Variants in GPM6B observed in about 807,000 individuals in gnomAD.
GPM6B encodes glycoprotein M6B.
Under a neutral mutation model 27.2 loss-of-function variants are expected in GPM6B, and 4 were observed. The observed-to-expected ratio is 0.15, with a 90% CI of 0.07 to 0.34. The LOEUF (loss-of-function observed/expected upper bound fraction) is 0.34. GPM6B is among the 10% of genes least tolerant of loss of function. GPM6B has a pLI of 1.00. For synonymous variants in GPM6B, 124 were observed against 103.1 expected (o/e 1.20, Z -1.23); for missense variants, 183 against 261.9 (o/e 0.70, Z 2.08).
intron 1 of GPM6B, among the ~76,000 whole-genome samples, chrX:13,936,240 C>A (rs1921830781): frequency 8.9e-6 from 1 of 111,829 alleles, no homozygotes; most frequent in Non-Finnish European, 1.9e-5. Context: ...AATGAAAAAC[C>A]CATGTTTTCT....
intron 1 of GPM6B, among the ~76,000 whole-genome samples, chrX:13,863,755 T>C (rs1308054833): frequency 7.1e-5 from 8 of 112,306 alleles, no homozygotes; most frequent in African/African-American, 1.3e-4. Context: ...GTGATAATTA[T>C]AGCAGTTTTC....
At chrX:13,795,866 C>T (rs1424689876) in intron 2 of GPM6B, among the ~76,000 whole-genome samples, 1 of 109,156 alleles carries the variant, frequency 9.2e-6, no homozygotes, top group Non-Finnish European at 1.9e-5. Context: ...GATTCTCCTG[C>T]CTCAGCCTCC....
At chrX:13,813,201 C>T (rs1374755927) in intron 1 of GPM6B, among the ~76,000 whole-genome samples, 2 of 109,789 alleles carry the variant, frequency 1.8e-5, no homozygotes, top group Non-Finnish European at 3.8e-5. Flanking sequence ...TCACACAAGT[C>T]GTATATTCTA....
intron 1 of GPM6B, among the ~76,000 whole-genome samples, chrX:13,834,596 G>C (rs1469144946): frequency 2.7e-5 from 3 of 112,273 alleles, no homozygotes; most frequent in Non-Finnish European, 5.6e-5. Context: ...GGCGAGGCCA[G>C]AGTAGGGCTT....
intron 1 of GPM6B, among the ~76,000 whole-genome samples, chrX:13,898,470 C>T (rs2050252569): frequency 8.9e-6 from 1 of 112,206 alleles, no homozygotes; most frequent in South Asian, 3.7e-4. Flanking sequence ...GCTGTATTAC[C>T]TGGGAGTTTG....
At chrX:13,838,974 C>A (rs773506499) in intron 1 of GPM6B, among the ~76,000 whole-genome samples, 1 of 111,494 alleles carries the variant, frequency 9.0e-6, no homozygotes, top group Non-Finnish European at 1.9e-5. Flanking sequence ...CCTCATGATA[C>A]CCTCCTCCCA....
chrX:13,925,872 G>C (rs1455450024), intron 1 of GPM6B, among the ~76,000 whole-genome samples: 2 of 108,497 alleles, frequency 1.8e-5, no homozygotes, highest in African/African-American at 6.7e-5. Context: ...GGCTAACATG[G>C]TGAAACCCCA....
chrX:13,928,545 A>C (rs760440729), intron 1 of GPM6B, among the ~76,000 whole-genome samples: 1 of 112,360 alleles, frequency 8.9e-6, no homozygotes, highest in South Asian at 3.7e-4. Flanking sequence ...GAATATGCCA[A>C]ATGAGAAAAC....
chrX:13,771,984 T>G lies in GPM6B; in HGVS notation c.*897A>C, dbSNP rs1038416489. The G allele has an allele frequency of 2.8e-4, 32 of 112,544 alleles. No individual in the cohort carries two copies. Among genetic ancestry groups the G allele is most frequent in the African/African-American group, 1.0e-3 (32 of 30,884 alleles). 9.3% of individuals were successfully genotyped at this position (112,544 alleles called of 1,213,427 possible). On this transcript the variant is annotated 3_prime_UTR_variant, in exon 8 of 8. Transcript: ENST00000316715. ...GTATCCAGACCACTGAAAAATGGTT[T>G]AGAATGGTGGTCATTTTAATAAGGT...
intron 7 of GPM6B, chrX:13,774,136 G>A: frequency 1.3e-6 from 1 of 756,035 alleles, no homozygotes; most frequent in Non-Finnish European, 1.6e-6. Context: ...AGATTAAAAC[G>A]GTTCTCTTCC....
chrX:13,916,660 T>C (rs990567877), intron 1 of GPM6B, among the ~76,000 whole-genome samples: 1 of 85,432 alleles, frequency 1.2e-5, no homozygotes, highest in African/African-American at 4.7e-5. Flanking sequence ...TATTAGTTTA[T>C]TAATGTGTGT....
intron 1 of GPM6B, among the ~76,000 whole-genome samples, chrX:13,846,148 T>C (rs1044734726): frequency 9.0e-6 from 1 of 111,330 alleles, no homozygotes; most frequent in Non-Finnish European, 1.9e-5. Context: ...GTTTCCCACC[T>C]GAGTGCTGTC....
At chrX:13,884,643 G>A (rs1480089364) in intron 1 of GPM6B, among the ~76,000 whole-genome samples, 1 of 112,299 alleles carries the variant, frequency 8.9e-6, no homozygotes, top group African/African-American at 3.2e-5. Context: ...TTACTCTCAT[G>A]AAAAGATTCT....
chrX:13,814,519 CAA>C (rs753044515), intron 1 of GPM6B, among the ~76,000 whole-genome samples: 8 of 112,547 alleles, frequency 7.1e-5, no homozygotes, highest in Admixed American at 1.9e-4. Flanking sequence ...ATAATTATGT[CAA>C]GTTTTCAAAT....
chrX:13,774,949 C>G (rs756510082), intron 7 of GPM6B, among the ~76,000 whole-genome samples: 37 of 112,086 alleles, frequency 3.3e-4, no homozygotes, highest in Non-Finnish European at 6.6e-4. Flanking sequence ...TCCAAAACCA[C>G]CTGCTCAGCA....
chrX:13,854,524 C>T (rs1452500121), intron 1 of GPM6B, among the ~76,000 whole-genome samples: 1 of 112,229 alleles, frequency 8.9e-6, no homozygotes, highest in African/African-American at 3.2e-5. Flanking sequence ...AATGCAATTA[C>T]CTCCACCTGT....
chrX:13,938,634 GC>G (rs1322189793), upstream of GPM6B: 1 of 317,420 alleles, frequency 3.2e-6, no homozygotes, highest in Non-Finnish European at 5.2e-6. Context: ...TCTGCGGGCT[GC>G]GCTGCGCTGC....
chrX:13,845,662 C>T (rs2049637307), intron 1 of GPM6B, among the ~76,000 whole-genome samples: 1 of 109,781 alleles, frequency 9.1e-6, no homozygotes, highest in Admixed American at 9.7e-5. Flanking sequence ...CTATGGGATG[C>T]TTTAGTCTTC....
chrX:13,889,675 C>T (rs181410267), intron 1 of GPM6B: 42 of 110,461 alleles, frequency 3.8e-4, no homozygotes, highest in African/African-American at 1.1e-3. Context: ...GTAAACTATA[C>T]ATAACATGAA....
Sources: allele counts gnomAD v4.1 joint callset (sites outside exome capture counted in the v4.1 genomes callset), GRCh38; gene constraint gnomAD v4.1.1; transcripts MANE v1.5; gene names NCBI Gene and HGNC (gene_info 2026-07-23, HGNC 2026-07-21).